The following TMEM184B variants were observed in gnomAD, a reference collection of about 807,000 sequenced individuals.
The protein encoded by TMEM184B is putative MAPK-activating protein FM08.
TMEM184B carries 17 observed loss-of-function variants against 41.8 expected under a neutral mutation model. The ratio of observed to expected loss-of-function variants is 0.41; its 90% CI spans 0.28 to 0.61. TMEM184B has a LOEUF of 0.61. Among genes scored for constraint, TMEM184B ranks in the 20% least tolerant of loss-of-function variants. The pLI is 0.34. For synonymous variants in TMEM184B, 240 were observed against 229.5 expected (o/e 1.05, Z -0.41); for missense variants, 393 against 557.8 (o/e 0.70, Z 2.98).
intron 5 of TMEM184B, among the ~76,000 whole-genome samples, chr22:38,229,305 ACT>A: frequency 6.6e-6 from 1 of 152,248 alleles, no homozygotes; most frequent in South Asian, 2.1e-4. Context: ...ATCCCCTCAG[ACT>A]CTGCCTCCCT....
At chr22:38,254,851 C>CTTT (rs71195097) in intron 1 of TMEM184B, among the ~76,000 whole-genome samples, 11 of 131,198 alleles carry the variant, frequency 8.4e-5, no homozygotes, top group African/African-American at 3.1e-4. Flanking sequence ...TTGGCACTTT[C>CTTT]TTTTTTTTTT....
At chr22:38,231,615 T>C (rs2091625195) in intron 3 of TMEM184B, 1 of 561,248 alleles carries the variant, frequency 1.8e-6, no homozygotes, top group East Asian at 3.2e-5. Flanking sequence ...TTCAGGGTTA[T>C]GTGGGGAGGC....
At chr22:38,242,804 C>G (rs936292661) in intron 3 of TMEM184B, among the ~76,000 whole-genome samples, 4 of 152,218 alleles carry the variant, frequency 2.6e-5, no homozygotes, top group African/African-American at 9.6e-5. Context: ...TGGCTCACAT[C>G]TGTAATCCCA....
At chr22:38,217,843 A>G (rs1333709156), downstream of TMEM184B, among the ~76,000 whole-genome samples, 18 of 136,200 alleles carry the variant, frequency 1.3e-4, no homozygotes, top group African/African-American at 5.0e-4. Flanking sequence ...AAAAAAAAAA[A>G]AAAAGAAAAG....
Position 38,227,745 on chromosome 22 carries a change from G to A in TMEM184B, c.526-875C>T, listed in dbSNP as rs573140662. Among the ~76,000 whole-genome samples the A allele has an allele frequency of 3.5e-4, 53 of 152,258 alleles. No homozygotes were observed. In the East Asian group the frequency reaches 3.5e-3, roughly 10 times the overall value. ...CCCCACACCACAGGGCCACTGCTGCGGGGATGGCACAGCCAGGAAGCGCAG... is the reference window on the plus strand; with the variant it reads ...CCCCACACCACAGGGCCACTGCTGCAGGGATGGCACAGCCAGGAAGCGCAG... On this transcript the variant is annotated intron_variant, in intron 5 of 8. Transcript: ENST00000361906.
chr22:38,251,568 G>A (rs926525343), intron 1 of TMEM184B, among the ~76,000 whole-genome samples: 4 of 152,212 alleles, frequency 2.6e-5, no homozygotes, highest in Admixed American at 1.3e-4. Context: ...CCAAGTCAGT[G>A]ACCACAAGGC....
chr22:38,219,528 T>TG lies in TMEM184B; in HGVS notation c.*1940_*1941insC, dbSNP rs1555889778. On this transcript the variant is annotated 3_prime_UTR_variant, in exon 9 of 9. Coordinates refer to ENST00000361906, the MANE Select transcript of TMEM184B (RefSeq NM_012264.5). ...GAGCTACTCTACCTGGAAAGAAAAT[T>TG]AAAAAAAAAAAAGACAAGGTAGGTT... is the stretch of plus-strand genomic sequence containing the variant. 2 of 899,204 alleles carry TG rather than the reference T, an allele frequency of 2.2e-6. No individual in the cohort carries two copies. Among genetic ancestry groups the TG allele is most frequent in the East Asian group, 2.4e-4 (2 of 8,356 alleles). The allele number at this position is 899,204 out of a possible 1,614,324, so 55.7% of individuals were successfully genotyped here.
At chr22:38,218,589 G>C (rs1331962651), downstream of TMEM184B, among the ~76,000 whole-genome samples, 1 of 152,156 alleles carries the variant, frequency 6.6e-6, no homozygotes, top group Non-Finnish European at 1.5e-5. Context: ...ATTTGAGTCC[G>C]GGAAAGGGCC....
At chr22:38,265,689 A>G (rs2092433990) in intron 1 of TMEM184B, among the ~76,000 whole-genome samples, 1 of 152,244 alleles carries the variant, frequency 6.6e-6, no homozygotes, top group Non-Finnish European at 1.5e-5. Flanking sequence ...TAGCATGTTA[A>G]TATTAATTAA....
At chr22:38,224,541 G>A (rs925110574) in intron 8 of TMEM184B, among the ~76,000 whole-genome samples, 2 of 152,248 alleles carry the variant, frequency 1.3e-5, no homozygotes, top group Non-Finnish European at 2.9e-5. Flanking sequence ...GTCTGTATCA[G>A]CCCTGGACCG....
chr22:38,225,566 G>A lies in TMEM184B; in HGVS notation c.645C>T (p.Thr215=), dbSNP rs1390234777. Residue 215 remains threonine, a synonymous_variant, in exon 7 of 9, where the codon ACC becomes ACT. Coordinates refer to ENST00000361906, the MANE Select transcript of TMEM184B (RefSeq NM_012264.5). This position sits in a 1 kb window ranked among gnomAD's most constrained non-coding sequence, Gnocchi z 4.4. Reference sequence around the variant, plus strand: ...GGCTGACGGAGATGTTGTAGATGATGGTCACGTAGAGGTAGCCACTGGTGA... The same window carrying A: ...GGCTGACGGAGATGTTGTAGATGATAGTCACGTAGAGGTAGCCACTGGTGA... ...FDVTSGYLYV[T]IIYNISVSLA... The A allele has an allele frequency of 6.2e-7, 1 of 1,606,670 alleles. No homozygotes were observed. Among genetic ancestry groups the A allele is most frequent in the African/African-American group, 1.3e-5 (1 of 74,264 alleles).
intron 3 of TMEM184B, among the ~76,000 whole-genome samples, chr22:38,234,684 C>T (rs1207515012): frequency 6.6e-6 from 1 of 152,224 alleles, no homozygotes; most frequent in Admixed American, 6.5e-5. Context: ...GCAGACCCCA[C>T]TGAGATGCCG....
chr22:38,217,207 G>A (rs369720058), downstream of TMEM184B, among the ~76,000 whole-genome samples: 16 of 152,066 alleles, frequency 1.1e-4, no homozygotes, highest in Admixed American at 2.0e-4. Context: ...AACATGGCCC[G>A]GGTGCGGTGG....
At position 38,219,539 on chromosome 22, in the gene TMEM184B, A is replaced by G. The variant is rs1383181305; in HGVS notation, c.*1930T>C. The G allele has an allele frequency of 2.0e-6, 2 of 985,628 alleles. No homozygotes were observed. Among genetic ancestry groups the G allele is most frequent in the African/African-American group, 1.7e-5 (1 of 57,214 alleles). The allele number at this position is 985,628 out of a possible 1,614,324, so 61.1% of individuals were successfully genotyped here. On this transcript the variant is annotated 3_prime_UTR_variant, in exon 9 of 9. Transcript: ENST00000361906. ...CCTGGAAAGAAAATTAAAAAAAAAA[A>G]AGACAAGGTAGGTTATGCATCCTAA...
At chr22:38,272,384 C>T (rs1056325503) in intron 1 of TMEM184B, 20 of 781,588 alleles carry the variant, frequency 2.6e-5, no homozygotes, top group Non-Finnish European at 3.1e-5. Context: ...AACCTGCGGA[C>T]CTGTGTGGCG....
intron 1 of TMEM184B, among the ~76,000 whole-genome samples, chr22:38,269,149 A>G (rs543909036): frequency 2.6e-5 from 4 of 152,184 alleles, no homozygotes; most frequent in African/African-American, 9.6e-5. Context: ...GCATCTCCCA[A>G]TTCTCTCTCT....
chr22:38,272,523 C>A (rs2145807500), intron 1 of TMEM184B: 4 of 985,788 alleles, frequency 4.1e-6, no homozygotes, highest in Non-Finnish European at 4.8e-6. Flanking sequence ...CGCCAGCACA[C>A]CCACCCGGGA....
intron 1 of TMEM184B, among the ~76,000 whole-genome samples, chr22:38,262,832 G>A (rs1293171320): frequency 6.6e-6 from 1 of 152,212 alleles, no homozygotes; most frequent in African/African-American, 2.4e-5. Flanking sequence ...TCCTGTACTT[G>A]AGAAGTAGCC....
chr22:38,237,462 C>T (rs545721693), intron 3 of TMEM184B, among the ~76,000 whole-genome samples: 58 of 152,372 alleles, frequency 3.8e-4, no homozygotes, highest in African/African-American at 1.3e-3. Context: ...TCTAAGCTCA[C>T]CCCCTGTGCA....
Sources: allele counts gnomAD v4.1 joint callset (sites outside exome capture counted in the v4.1 genomes callset), GRCh38; gene constraint gnomAD v4.1.1; non-coding constraint Gnocchi (gnomAD v3.1); transcripts MANE v1.5; gene names NCBI Gene and HGNC (gene_info 2026-07-23, HGNC 2026-07-21).